Variants in MYEF2 observed in about 807,000 individuals in gnomAD.
The protein encoded by MYEF2 is myelin expression factor 2.
MYEF2 carries 37 observed loss-of-function variants against 75.2 expected under a neutral mutation model. The ratio of observed to expected loss-of-function variants is 0.49; its 90% CI spans 0.38 to 0.65. The LOEUF is 0.65. Ranked by LOEUF, MYEF2 falls within the 30% of genes least tolerant of loss-of-function variation. The pLI is 0.00. For synonymous variants in MYEF2, 195 were observed against 241.6 expected (o/e 0.81, Z 1.79); for missense variants, 634 against 771.4 (o/e 0.82, Z 2.11).
At chr15:48,147,798 T>G (rs1421046936) in intron 16 of MYEF2, among the ~76,000 whole-genome samples, 1 of 151,984 alleles carries the variant, frequency 6.6e-6, no homozygotes, top group African/African-American at 2.4e-5. Context: ...CAGGAGCATC[T>G]CACTTTGTTC....
intron 9 of MYEF2, among the ~76,000 whole-genome samples, chr15:48,155,350 C>A (rs1445546268): frequency 6.6e-6 from 1 of 151,994 alleles, no homozygotes; most frequent in Admixed American, 6.6e-5. Flanking sequence ...TATATCAATT[C>A]TAATCTAGAT....
chr15:48,170,677 T>C (rs1429868696), intron 1 of MYEF2, among the ~76,000 whole-genome samples: 7 of 152,196 alleles, frequency 4.6e-5, no homozygotes, highest in African/African-American at 1.7e-4. Flanking sequence ...CACACACCTC[T>C]AACTGCAGTC....
In MYEF2 at chr15:48,142,836, A is replaced by G; in HGVS notation, c.*72T>C. 1 of 1,410,016 alleles carries G rather than the reference A, an allele frequency of 7.1e-7. No homozygotes were observed. Among genetic ancestry groups the G allele is most frequent in the Non-Finnish European group, 9.6e-7 (1 of 1,041,798 alleles). The allele number at this position is 1,410,016 out of a possible 1,614,324, so 87.3% of individuals were successfully genotyped here. A position where few individuals can be genotyped will look rare whatever the true frequency, so the allele number is the denominator to read the frequency against. ...ACAGCTTTTGTAAGCATACAATATTACTTTAAAAAAATGACTTTTACTAGG... is the reference window on the plus strand; with the variant it reads ...ACAGCTTTTGTAAGCATACAATATTGCTTTAAAAAAATGACTTTTACTAGG... On this transcript the variant is annotated 3_prime_UTR_variant, in exon 17 of 17. Transcript: ENST00000324324.
chr15:48,158,401 G>T (rs1338993059), intron 7 of MYEF2, among the ~76,000 whole-genome samples, 177 bp from the exon 8 acceptor site: 1 of 151,998 alleles, frequency 6.6e-6, no homozygotes, highest in East Asian at 1.9e-4. Context: ...TTGCTTTACG[G>T]TTTTATTTCA....
chr15:48,178,009 G>A (rs2040616530), intron 1 of MYEF2, 68 bp downstream of exon 1: 2 of 1,530,152 alleles, frequency 1.3e-6, no homozygotes, highest in African/African-American at 2.9e-5. Flanking sequence ...GGCACAGCCC[G>A]GCCTCTAGCC....
intron 7 of MYEF2, 47 bp from the exon 8 acceptor site, chr15:48,158,271 TAACAG>T (rs780036582): frequency 6.4e-7 from 1 of 1,554,078 alleles, no homozygotes; most frequent in Admixed American, 1.7e-5. Flanking sequence ...TATAAAATTA[TAACAG>T]AACACAAACT....
intron 2 of MYEF2, among the ~76,000 whole-genome samples, chr15:48,167,881 A>G (rs562835627): frequency 6.6e-6 from 1 of 152,250 alleles, no homozygotes; most frequent in East Asian, 1.9e-4. Context: ...TTTCTAAATA[A>G]AGTCAATGAA....
In MYEF2 at chr15:48,159,739, G is replaced by A. The variant is rs183566272; in HGVS notation, c.591C>T (p.His197=). The A allele has an allele frequency of 2.1e-5, 34 of 1,613,636 alleles. No homozygotes were observed. In the African/African-American group the frequency reaches 3.1e-4, roughly 15 times the overall value. Residue 197 remains histidine (H), a synonymous_variant, in exon 6 of 17, where the codon CAC becomes CAT. Coordinates refer to ENST00000324324, the MANE Select transcript of MYEF2 (RefSeq NM_016132.5). ...QRTGGSFPGG[H]VPDMGSGLMN... Reference sequence around the variant, plus strand: ...TCAACCCTGATCCCATATCAGGGACGTGTCCTCCTGGAAATGATCCTCCTG... The same window carrying A: ...TCAACCCTGATCCCATATCAGGGACATGTCCTCCTGGAAATGATCCTCCTG...
At position 48,141,082 on chromosome 15, in the gene MYEF2, AT is replaced by A; in HGVS notation, c.*1825del. ...AAAGGATGGTTAGTGAATCTTTAAG[AT>A]TTGTAACTTGAAATATCTGTTTATT... On this transcript the variant is annotated 3_prime_UTR_variant, in exon 17 of 17. Coordinates refer to ENST00000324324, the MANE Select transcript of MYEF2 (RefSeq NM_016132.5). 1 of 1,550,422 alleles carries A rather than the reference AT, an allele frequency of 6.4e-7. No homozygotes were observed. Among genetic ancestry groups the A allele is most frequent in the South Asian group, 1.1e-5 (1 of 88,030 alleles).
In MYEF2 at chr15:48,152,214, A is replaced by C; in HGVS notation, c.1138+20T>G. Reference sequence around the variant, plus strand: ...AAAATGGTGATGGGTACATACAAAAAAACAAATCTTTATACATACCTCCTC... The same window carrying C: ...AAAATGGTGATGGGTACATACAAAACAACAAATCTTTATACATACCTCCTC... On this transcript the variant is annotated intron_variant, in intron 11 of 16. Coordinates refer to ENST00000324324, the MANE Select transcript of MYEF2 (RefSeq NM_016132.5). The C allele has an allele frequency of 6.2e-7, 1 of 1,603,048 alleles. No homozygotes were observed. Among genetic ancestry groups the C allele is most frequent in the Non-Finnish European group, 8.5e-7 (1 of 1,172,688 alleles).
intron 1 of MYEF2, among the ~76,000 whole-genome samples, chr15:48,177,555 C>CA (rs2040584933): frequency 6.6e-6 from 1 of 152,030 alleles, no homozygotes; most frequent in Non-Finnish European, 1.5e-5. Context: ...CGGTATAAAT[C>CA]AGTTTAAAAA....
chr15:48,153,905 A>C lies in MYEF2; in HGVS notation c.986-12T>G. 6.2e-7 allele frequency: 1 copy of C among 1,605,592 alleles called. No homozygotes were observed. The highest frequency in any genetic ancestry group is 8.5e-7 in the Non-Finnish European group (1 of 1,173,656). ...GCCTCCAAGACCACCTAAAACAAAA[A>C]TGAGAACAATCATTACAAAGATCCA... On this transcript the variant is annotated splice_polypyrimidine_tract_variant and intron_variant, in intron 9 of 16. Coordinates refer to ENST00000324324, the MANE Select transcript of MYEF2 (RefSeq NM_016132.5).
intron 9 of MYEF2, 24 bp from the exon 10 acceptor site, chr15:48,153,917 A>T (rs1258240118): frequency 1.9e-6 from 3 of 1,592,210 alleles, no homozygotes; most frequent in Non-Finnish European, 2.6e-6. Context: ...GAGAACAATC[A>T]TTACAAAGAT....
intron 5 of MYEF2, among the ~76,000 whole-genome samples, chr15:48,164,810 G>T (rs2040077007): frequency 6.6e-6 from 1 of 152,098 alleles, no homozygotes; most frequent in African/African-American, 2.4e-5. Flanking sequence ...CAGCAATAAA[G>T]TATTTTTAAA....
intron 2 of MYEF2, among the ~76,000 whole-genome samples, chr15:48,167,938 A>C (rs578150627): frequency 6.6e-6 from 1 of 152,092 alleles, no homozygotes; most frequent in South Asian, 2.1e-4. Flanking sequence ...ACACCAATGC[A>C]ATTTAAAAAA....
At chr15:48,151,726 C>A in intron 12 of MYEF2, 148 bp downstream of exon 12, 3 of 1,134,574 alleles carry the variant, frequency 2.6e-6, no homozygotes, top group Non-Finnish European at 3.9e-6. Flanking sequence ...CACATATCAT[C>A]CCCATTCCCC....
At chr15:48,161,140 C>T (rs1160454038) in intron 5 of MYEF2, among the ~76,000 whole-genome samples, 1 of 151,992 alleles carries the variant, frequency 6.6e-6, no homozygotes, top group Non-Finnish European at 1.5e-5. Flanking sequence ...AATATATACA[C>T]ATACAATACA....
Position 48,141,360 on chromosome 15 carries a change from CGAGGTCAGGAGTT to C in MYEF2, c.*1535_*1547del, listed in dbSNP as rs2039078434. ...TTGGGAGGCCGAGGCGGGTGGATCACGAGGTCAGGAGTTTGAGACCAGCCTGACCAACATGGTG... is the reference window on the plus strand; with the variant it reads ...TTGGGAGGCCGAGGCGGGTGGATCACTGAGACCAGCCTGACCAACATGGTG... On this transcript the variant is annotated 3_prime_UTR_variant, in exon 17 of 17. Transcript: ENST00000324324. 2.2e-5 allele frequency: 12 copies of C among 549,466 alleles called. No individual in the cohort carries two copies. The highest frequency in any genetic ancestry group is 3.6e-5 in the Non-Finnish European group (11 of 307,986). 34.0% of individuals were successfully genotyped at this position (549,466 alleles called of 1,614,324 possible). A position where few individuals can be genotyped will look rare whatever the true frequency, so the allele number is the denominator to read the frequency against.
Position 48,135,024 on chromosome 15 carries a change from T to G in MYEF2, c.*7884A>C, listed in dbSNP as rs773935940. ...AATTCTTATGTAAAAATTAGAGATT[T>G]TATGAATTTCTGATGGTTCAGTAAT... On this transcript the variant is annotated 3_prime_UTR_variant, in exon 17 of 17. Transcript: ENST00000324324. 7 of 1,502,840 alleles carry G rather than the reference T, an allele frequency of 4.7e-6. No homozygotes were observed. The highest frequency in any genetic ancestry group is 2.8e-6 in the Non-Finnish European group (3 of 1,085,970). The allele number at this position is 1,502,840 out of a possible 1,614,324, so 93.1% of individuals were successfully genotyped here. A position where few individuals can be genotyped will look rare whatever the true frequency, so the allele number is the denominator to read the frequency against.
Sources: allele counts gnomAD v4.1 joint callset (sites outside exome capture counted in the v4.1 genomes callset), GRCh38; gene constraint gnomAD v4.1.1; transcripts MANE v1.5; gene names NCBI Gene and HGNC (gene_info 2026-07-23, HGNC 2026-07-21).